MARCHF1: variants seen among roughly 807,000 people sequenced by gnomAD.
MARCHF1 encodes membrane associated ring-CH-type finger 1, also known as E3 ubiquitin-protein ligase MARCHF1.
A neutral mutation model predicts 54.2 loss-of-function variants in MARCHF1; 40 were observed. The ratio of observed to expected loss-of-function variants is 0.74; its 90% CI spans 0.57 to 0.96. MARCHF1 has a LOEUF of 0.96. MARCHF1 is among the 40% of genes least tolerant of loss of function. The pLI, the probability that MARCHF1 is intolerant of heterozygous loss-of-function variation, is 0.00. For missense variants in MARCHF1, 586 were observed against 656.5 expected, an observed-to-expected ratio of 0.89 and a Z score of 1.17; for synonymous variants, 236 against 236.3, an observed-to-expected ratio of 1.00 and a Z score of 0.01.
chr4:164,381,804 C>G (rs1440162505), intron 1 of MARCHF1, among the ~76,000 whole-genome samples: 1 of 152,030 alleles, frequency 6.6e-6, no homozygotes, highest in Non-Finnish European at 1.5e-5. Flanking sequence ...CTCTAAGAAC[C>G]TTAAAGTAAA....
chr4:163,600,749 G>A (rs1449605153), intron 7 of MARCHF1, among the ~76,000 whole-genome samples: 2 of 152,138 alleles, frequency 1.3e-5, no homozygotes, highest in African/African-American at 4.8e-5. Flanking sequence ...GGGCCTCAGA[G>A]GGTCCAAATA....
At chr4:163,924,663 T>C (rs937660431) in intron 3 of MARCHF1, among the ~76,000 whole-genome samples, 1 of 151,876 alleles carries the variant, frequency 6.6e-6, no homozygotes, top group African/African-American at 2.4e-5. Flanking sequence ...GAGGTGGGTG[T>C]AAATACTGCA....
intron 1 of MARCHF1, among the ~76,000 whole-genome samples, chr4:164,225,340 T>A (rs901285349): frequency 6.6e-6 from 1 of 152,100 alleles, no homozygotes; most frequent in Non-Finnish European, 1.5e-5. Flanking sequence ...TTACACAAAT[T>A]CAAGTAACTC....
chr4:163,885,101 G>A (rs1750498193), intron 3 of MARCHF1, among the ~76,000 whole-genome samples: 1 of 152,186 alleles, frequency 6.6e-6, no homozygotes, highest in Non-Finnish European at 1.5e-5. Context: ...TTACATGCAT[G>A]TAACTATAAA....
At chr4:163,641,030 T>G (rs1401630891) in intron 5 of MARCHF1, among the ~76,000 whole-genome samples, 1 of 150,928 alleles carries the variant, frequency 6.6e-6, no homozygotes, top group Non-Finnish European at 1.5e-5. Context: ...TTTTTATGAT[T>G]TTAACATAAA....
chr4:164,163,258 C>T (rs1036086), intron 1 of MARCHF1, among the ~76,000 whole-genome samples: 1 of 151,498 alleles, frequency 6.6e-6, no homozygotes, highest in Non-Finnish European at 1.5e-5. Context: ...TATTATAATA[C>T]TATTTCTGGA....
chr4:164,296,603 C>A (rs1734417525), intron 1 of MARCHF1, among the ~76,000 whole-genome samples: 1 of 152,064 alleles, frequency 6.6e-6, no homozygotes, highest in African/African-American at 2.4e-5. Context: ...CTCCTGACCT[C>A]AAGTGATCTG....
intron 4 of MARCHF1, among the ~76,000 whole-genome samples, chr4:163,793,021 T>C (rs1747812333): frequency 6.6e-6 from 1 of 152,208 alleles, no homozygotes; most frequent in South Asian, 2.1e-4. Flanking sequence ...CTGAATGCAG[T>C]GGTGCATATA....
intron 8 of MARCHF1, among the ~76,000 whole-genome samples, chr4:163,555,319 A>G (rs1428706890): frequency 6.6e-6 from 1 of 152,160 alleles, no homozygotes; most frequent in Non-Finnish European, 1.5e-5. Context: ...TTACTTCCCT[A>G]AGGAAGGAAA....
chr4:164,130,378 T>C (rs2110813974), intron 1 of MARCHF1, among the ~76,000 whole-genome samples: 1 of 152,264 alleles, frequency 6.6e-6, no homozygotes, highest in Non-Finnish European at 1.5e-5. Flanking sequence ...ATAGAGTGCT[T>C]TGATTTCTGA....
chr4:163,786,320 A>G (rs962198216), intron 4 of MARCHF1, among the ~76,000 whole-genome samples: 1 of 152,058 alleles, frequency 6.6e-6, no homozygotes, highest in African/African-American at 2.4e-5. Flanking sequence ...TAACATTTCA[A>G]TTGGATTTGG....
chr4:163,870,096 A>G (rs1750138823), intron 3 of MARCHF1, among the ~76,000 whole-genome samples: 1 of 152,184 alleles, frequency 6.6e-6, no homozygotes, highest in Non-Finnish European at 1.5e-5. Context: ...AATATGTAAC[A>G]CTTCACATAG....
At chr4:164,347,096 T>A (rs548571782) in intron 1 of MARCHF1, among the ~76,000 whole-genome samples, 1 of 152,074 alleles carries the variant, frequency 6.6e-6, no homozygotes, top group Non-Finnish European at 1.5e-5. Flanking sequence ...CCCAAACACA[T>A]TGAACTGAAT....
intron 1 of MARCHF1, among the ~76,000 whole-genome samples, chr4:164,317,753 G>A (rs550050211): frequency 1.7e-4 from 26 of 152,280 alleles, no homozygotes; most frequent in South Asian, 4.1e-4. Context: ...AGCCTGTTGC[G>A]AGTGGGCAAG....
chr4:164,024,689 A>G (rs983708305), intron 2 of MARCHF1, among the ~76,000 whole-genome samples: 7 of 152,284 alleles, frequency 4.6e-5, no homozygotes, highest in African/African-American at 1.7e-4. Flanking sequence ...TCAAGTCTAC[A>G]AAACAACCAG....
chr4:164,102,811 C>G (rs1245946410), intron 2 of MARCHF1, among the ~76,000 whole-genome samples: 1 of 138,990 alleles, frequency 7.2e-6, no homozygotes, highest in Non-Finnish European at 1.5e-5. Flanking sequence ...TTAAAAGACA[C>G]AGACTGGCAA....
chr4:164,346,848 G>T (rs368469822), intron 1 of MARCHF1, among the ~76,000 whole-genome samples: 1 of 151,654 alleles, frequency 6.6e-6, no homozygotes. Flanking sequence ...ACTTTATAGC[G>T]ATTTTCATCA....
intron 2 of MARCHF1, among the ~76,000 whole-genome samples, chr4:164,067,127 T>C (rs895558088): frequency 1.3e-5 from 2 of 152,176 alleles, no homozygotes; most frequent in African/African-American, 2.4e-5. Flanking sequence ...TTTCATTAAT[T>C]TCAAAACATT....
intron 3 of MARCHF1, among the ~76,000 whole-genome samples, chr4:163,967,363 G>T (rs974249959): frequency 7.2e-5 from 11 of 152,090 alleles, no homozygotes; most frequent in African/African-American, 2.7e-4. Flanking sequence ...GCTGATACTT[G>T]ATCTCACTGT....
Sources: allele counts gnomAD v4.1 joint callset (sites outside exome capture counted in the v4.1 genomes callset), GRCh38; gene constraint gnomAD v4.1.1; transcripts MANE v1.5; gene names NCBI Gene and HGNC (gene_info 2026-07-23, HGNC 2026-07-21).